Variants in CERS1 observed in about 807,000 individuals in gnomAD.
The protein encoded by CERS1 is Embryonic growth/differentiation factor 1.
Under a neutral mutation model 35.7 loss-of-function variants are expected in CERS1, and 16 were observed. The ratio of observed to expected loss-of-function variants is 0.45; its 90% CI spans 0.30 to 0.68. The LOEUF (loss-of-function observed/expected upper bound fraction) is 0.68, where lower values mean the gene tolerates loss of function less well. CERS1 is among the 30% of genes least tolerant of loss of function. CERS1 has a pLI of 0.08. For synonymous variants in CERS1, 243 were observed against 201.6 expected, an observed-to-expected ratio of 1.21 and a Z score of -1.74; for missense variants, 454 against 453.9, an observed-to-expected ratio of 1.00 and a Z score of 0.00.
In CERS1 at chr19:18,895,806, G is replaced by A; in HGVS notation, c.249+18C>T. The A allele has an allele frequency of 1.6e-6, 2 of 1,223,218 alleles. No homozygotes were observed. Among genetic ancestry groups the A allele is most frequent in the Non-Finnish European group, 2.1e-6 (2 of 973,152 alleles). 75.8% of individuals were successfully genotyped at this position (1,223,218 alleles called of 1,614,324 possible). ...CCCAGTCCGGGGTCCCCTCGTCCCG[G>A]CCCCCGGCCACACTGACCCGAAAGA... is the stretch of plus-strand genomic sequence containing the variant. On this transcript the variant is annotated intron_variant, in intron 1 of 7. Transcript: ENST00000623882. This position sits in a 1 kb window ranked among gnomAD's most constrained non-coding sequence, Gnocchi z 6.4.
At chr19:18,893,288 C>T in intron 2 of CERS1, 128 bp downstream of exon 2, 1 of 1,025,042 alleles carries the variant, frequency 9.8e-7, no homozygotes, top group South Asian at 1.6e-5. Context: ...GCTCATAGCT[C>T]CCCTTGGCCT....
chr19:18,869,913 G>A, intron 7 of CERS1, 70 bp downstream of exon 7: 1 of 1,459,206 alleles, frequency 6.9e-7, no homozygotes, highest in Admixed American at 2.0e-5. Flanking sequence ...GCATCCCCGG[G>A]CCACTCTCGA....
chr19:18,870,737 G>A lies in CERS1; in HGVS notation c.1011-118C>T, dbSNP rs956969588. On this transcript the variant is annotated intron_variant, in intron 6 of 7. Coordinates refer to ENST00000623882, the MANE Select transcript of CERS1 (RefSeq NM_021267.5). This position sits in a 1 kb window ranked among gnomAD's most constrained non-coding sequence, Gnocchi z 5.1. ...TGGCTCCTTTTACCCGGCCAGGCCC[G>A]GGCCTCGCCTTGTGGCTTCCTCCTC... 2.0e-5 allele frequency: 9 copies of A among 450,744 alleles called. No individual in the cohort carries two copies. Among genetic ancestry groups the A allele is most frequent in the Admixed American group, 8.4e-5 (2 of 23,762 alleles). The allele number at this position is 450,744 out of a possible 1,614,324, so 27.9% of individuals were successfully genotyped here.
chr19:18,896,067 C>A lies in CERS1; in HGVS notation c.6G>T (p.Ala2=). Residue 2 remains alanine, a synonymous_variant, in exon 1 of 8, where the codon GCG becomes GCT. Coordinates refer to ENST00000623882, the MANE Select transcript of CERS1 (RefSeq NM_021267.5). This position sits in a 1 kb window ranked among gnomAD's most constrained non-coding sequence, Gnocchi z 5.9. M[A]AAGPAAGPTG... ...TCGGCCCCGCCGCGGGCCCCGCCGC[C>A]GCCATACCGCCCGCTCGCCCGCCGT... The A allele has an allele frequency of 1.0e-6, 1 of 974,538 alleles. No homozygotes were observed. 60.4% of individuals were successfully genotyped at this position (974,538 alleles called of 1,614,324 possible). A position where few individuals can be genotyped will look rare whatever the true frequency, so the allele number is the denominator to read the frequency against.
chr19:18,885,765 C>T (rs926340144), intron 2 of CERS1, among the ~76,000 whole-genome samples: 1 of 148,724 alleles, frequency 6.7e-6, no homozygotes, highest in Non-Finnish European at 1.5e-5. Context: ...GTGATCCGCC[C>T]GCCTCGGCCT....
intron 2 of CERS1, among the ~76,000 whole-genome samples, chr19:18,889,704 C>G (rs1456955010): frequency 1.3e-5 from 2 of 152,186 alleles, no homozygotes; most frequent in East Asian, 3.9e-4. Context: ...TACTGGGATT[C>G]CAGGAGTGAG....
intron 4 of CERS1, among the ~76,000 whole-genome samples, chr19:18,879,599 C>A (rs1449581816): frequency 9.9e-5 from 15 of 151,098 alleles, no homozygotes; most frequent in Admixed American, 7.2e-4. Flanking sequence ...CCTGGCCCCC[C>A]ACTTCCCTGC....
chr19:18,887,447 T>A (rs779395721), intron 2 of CERS1, among the ~76,000 whole-genome samples: 3 of 152,154 alleles, frequency 2.0e-5, no homozygotes, highest in Non-Finnish European at 4.4e-5. Flanking sequence ...TGAACAACAC[T>A]GTGAATGGAC....
chr19:18,879,566 C>A (rs1439460123), intron 4 of CERS1, among the ~76,000 whole-genome samples, 178 bp from the exon 5 acceptor site: 12 of 151,096 alleles, frequency 7.9e-5, no homozygotes, highest in Non-Finnish European at 1.5e-4. Flanking sequence ...GCCCACCTCG[C>A]CAAGGCCCCA....
intron 6 of CERS1, among the ~76,000 whole-genome samples, chr19:18,873,525 C>T (rs2056011159): frequency 6.6e-6 from 1 of 151,636 alleles, no homozygotes; most frequent in Admixed American, 6.6e-5. Flanking sequence ...AGTGAGACCC[C>T]ATCTCTACAA....
intron 6 of CERS1, among the ~76,000 whole-genome samples, chr19:18,874,880 G>A (rs1338007387): frequency 2.0e-5 from 3 of 152,144 alleles, no homozygotes; most frequent in Non-Finnish European, 2.9e-5. Flanking sequence ...TTTGCTTCAC[G>A]CCTCCTGAGT....
chr19:18,877,991 G>A (rs939215963), intron 6 of CERS1: 5 of 985,374 alleles, frequency 5.1e-6, no homozygotes, highest in Non-Finnish European at 6.0e-6. Context: ...CAAACAGGGT[G>A]GGGGGTCTGA....
Position 18,875,246 on chromosome 19 carries a change from A to AAAAG in CERS1, c.1010+3680_1010+3683dup, listed in dbSNP as rs201446868. On this transcript the variant is annotated intron_variant, in intron 6 of 7. Coordinates refer to ENST00000623882, the MANE Select transcript of CERS1 (RefSeq NM_021267.5). ...GTGGGACCGTCTCTAAAAAAAAAAA[A>AAAAG]AAAGAAAGAAAGAAACAGGCTGGGC... 5.8e-4 allele frequency among the ~76,000 whole-genome samples: 88 copies of AAAAG among 151,488 alleles called. 2 individuals carry two copies. Among genetic ancestry groups the AAAAG allele is most frequent in the African/African-American group, 1.8e-3 (76 of 41,266 alleles).
intron 6 of CERS1, among the ~76,000 whole-genome samples, chr19:18,872,889 T>C (rs766790856): frequency 2.6e-5 from 4 of 152,202 alleles, no homozygotes; most frequent in Admixed American, 6.5e-5. Context: ...CCTCAGGTGA[T>C]CCATCCGCCT....
chr19:18,888,384 G>A (rs1292196410), intron 2 of CERS1, among the ~76,000 whole-genome samples: 1 of 151,704 alleles, frequency 6.6e-6, no homozygotes, highest in Non-Finnish European at 1.5e-5. Context: ...TGGGTGTGGT[G>A]GCTCGTGCCT....
chr19:18,891,739 G>C (rs895920387), intron 2 of CERS1, among the ~76,000 whole-genome samples: 2 of 151,498 alleles, frequency 1.3e-5, no homozygotes, highest in African/African-American at 4.9e-5. Context: ...CACCATACCA[G>C]GCTAATTTTT....
chr19:18,881,604 G>T (rs2146023238), intron 3 of CERS1: 1 of 152,302 alleles, frequency 6.6e-6, no homozygotes. Flanking sequence ...CGAGGGTCCT[G>T]GATTCACCCT....
rs2055956719 is a variant in CERS1, at chr19:18,870,843, C to T, written c.1011-224G>A. Among the ~76,000 whole-genome samples, 1 of 152,144 alleles carries T rather than the reference C, an allele frequency of 6.6e-6. No homozygotes were observed. Among genetic ancestry groups the T allele is most frequent in the Non-Finnish European group, 1.5e-5 (1 of 68,016 alleles). On this transcript the variant is annotated intron_variant, in intron 6 of 7. Transcript: ENST00000623882. This position sits in a 1 kb window ranked among gnomAD's most constrained non-coding sequence, Gnocchi z 5.1. ...AGGCACGTATGTCCCCCCTGGCACC[C>T]TGGCACTTCCTCCTTGCTTCCCCCT...
At chr19:18,872,357 T>C (rs1163632350) in intron 6 of CERS1, among the ~76,000 whole-genome samples, 4 of 151,140 alleles carry the variant, frequency 2.6e-5, no homozygotes, top group Admixed American at 6.6e-5. Flanking sequence ...TCTTGTTTTG[T>C]TTTTTTTTGA....
Sources: allele counts gnomAD v4.1 joint callset (sites outside exome capture counted in the v4.1 genomes callset), GRCh38; gene constraint gnomAD v4.1.1; non-coding constraint Gnocchi (gnomAD v3.1); transcripts MANE v1.5; gene names NCBI Gene and HGNC (gene_info 2026-07-23, HGNC 2026-07-21).